The following NET1 variants were observed in gnomAD, a reference collection of about 807,000 sequenced individuals.
NET1 encodes neuroepithelial cell-transforming gene 1 protein.
A neutral mutation model predicts 61.1 loss-of-function variants in NET1; 42 were observed. The ratio of observed to expected loss-of-function variants is 0.69; its 90% CI spans 0.54 to 0.89. The LOEUF (loss-of-function observed/expected upper bound fraction) is 0.89. NET1 is among the 40% of genes least tolerant of loss of function. The probability of loss-of-function intolerance (pLI) is 0.00; values close to 1 mark genes in which losing one functional copy is unlikely to be tolerated. For synonymous variants in NET1, 254 were observed against 281.8 expected, an observed-to-expected ratio of 0.90 and a Z score of 0.99; for missense variants, 654 against 747.3, an observed-to-expected ratio of 0.88 and a Z score of 1.46.
Position 5,453,304 on chromosome 10 carries a change from C to T in NET1, c.649C>T (p.His217Tyr), listed in dbSNP as rs1252124237. The T allele has an allele frequency of 6.2e-7, 1 of 1,612,766 alleles. No homozygotes were observed. Among genetic ancestry groups the T allele is most frequent in the East Asian group, 2.2e-5 (1 of 44,886 alleles). ...CATCATGTCAGAAGAGGAACTCACA[C>T]ATATATTTGGTGATCTGGACTCTTA... Reference protein sequence around the residue: ...LSIMSEEELTHIFGDLDSYIP... With the variant: ...LSIMSEEELTYIFGDLDSYIP... Residue 217 changes from histidine to tyrosine, a missense_variant, in exon 7 of 12, where the codon CAT (histidine) becomes TAT (tyrosine). Coordinates refer to ENST00000355029, the MANE Select transcript of NET1 (RefSeq NM_001047160.3). The surrounding 1 kb of genome is among the most constrained non-coding windows in gnomAD (Gnocchi z 4.9).
rs1429210650 is a variant in NET1, at chr10:5,446,468, C to A, written c.256-5362C>A. Reference sequence around the variant, plus strand: ...ACTTGAACCCAGCTTCACTCTCCTCCTGGGCGAAAGCTGAGAGGCCTAGGT... The same window carrying A: ...ACTTGAACCCAGCTTCACTCTCCTCATGGGCGAAAGCTGAGAGGCCTAGGT... On this transcript the variant is annotated intron_variant, in intron 3 of 11. Transcript: ENST00000355029. This position sits in a 1 kb window ranked among gnomAD's most constrained non-coding sequence, Gnocchi z 5.0. 2 of 716,054 alleles carry A rather than the reference C, an allele frequency of 2.8e-6. No individual in the cohort carries two copies. Among genetic ancestry groups the A allele is most frequent in the Non-Finnish European group, 3.5e-6 (2 of 569,610 alleles). 44.4% of individuals were successfully genotyped at this position (716,054 alleles called of 1,614,324 possible).
chr10:5,455,310 G>GT lies in NET1; in HGVS notation c.1197+193dup. Among the ~76,000 whole-genome samples the GT allele has an allele frequency of 6.6e-6, 1 of 152,286 alleles. No homozygotes were observed. Among genetic ancestry groups the GT allele is most frequent in the Non-Finnish European group, 1.5e-5 (1 of 68,030 alleles). ...CCTTAAATGTCTCAGTGGAGAATCA[G>GT]TAATACTTTATTTTTTAGTTTCGAA... On this transcript the variant is annotated intron_variant, in intron 10 of 11. Transcript: ENST00000355029. The surrounding 1 kb of genome is among the most constrained non-coding windows in gnomAD (Gnocchi z 6.5).
At chr10:5,432,187 G>C (rs1832359756) in intron 3 of NET1, among the ~76,000 whole-genome samples, 1 of 152,140 alleles carries the variant, frequency 6.6e-6, no homozygotes. Context: ...TTGTTGATAG[G>C]ACTTTTTAAT....
chr10:5,454,349 A>C lies in NET1; in HGVS notation c.853A>C (p.Arg285=), dbSNP rs776894777. 6.2e-7 allele frequency: 1 copy of C among 1,614,222 alleles called. No individual in the cohort carries two copies. The highest frequency in any genetic ancestry group is 2.2e-5 in the East Asian group (1 of 44,868). Residue 285 remains arginine, a synonymous_variant, in exon 9 of 12, where the codon AGA becomes CGA. Transcript: ENST00000355029. The surrounding 1 kb of genome is among the most constrained non-coding windows in gnomAD (Gnocchi z 8.1). ...ALLDQKKQDP[R]VQDFLQRCLE... ...TCTTGATCAAAAGAAACAGGATCCA[A>C]GAGTCCAAGACTTCCTCCAGCGATG... is the stretch of plus-strand genomic sequence containing the variant.
Position 5,456,775 on chromosome 10 carries a change from G to C in NET1, c.1572G>C (p.Gly524=). ...GLPELHEECE[G]NHPSARKLTA... is the part of the protein sequence containing the mutation. ...CGGAGCTGCACGAAGAGTGTGAGGG[G>C]AACCACCCCTCTGCGAGGAAACTCA... Residue 524 remains glycine, a synonymous_variant, in exon 12 of 12, where the codon GGG becomes GGC. Coordinates refer to ENST00000355029, the MANE Select transcript of NET1 (RefSeq NM_001047160.3). This position sits in a 1 kb window ranked among gnomAD's most constrained non-coding sequence, Gnocchi z 7.0. 2 of 1,613,256 alleles carry C rather than the reference G, an allele frequency of 1.2e-6. No homozygotes were observed. The highest frequency in any genetic ancestry group is 1.7e-6 in the Non-Finnish European group (2 of 1,179,550).
In NET1 at chr10:5,453,606, G is replaced by A; in HGVS notation, c.768+46G>A. On this transcript the variant is annotated intron_variant, in intron 8 of 11. Transcript: ENST00000355029. The surrounding 1 kb of genome is among the most constrained non-coding windows in gnomAD (Gnocchi z 4.9). Reference sequence around the variant, plus strand: ...CCCAGATACAGTTTCTTACAGATGTGCCATGTTGCAGTTTCTGATGAATAT... The same window carrying A: ...CCCAGATACAGTTTCTTACAGATGTACCATGTTGCAGTTTCTGATGAATAT... 1 of 1,520,842 alleles carries A rather than the reference G, an allele frequency of 6.6e-7. No homozygotes were observed. The highest frequency in any genetic ancestry group is 9.1e-7 in the Non-Finnish European group (1 of 1,095,278). 94.2% of individuals were successfully genotyped at this position (1,520,842 alleles called of 1,614,324 possible). A position where few individuals can be genotyped will look rare whatever the true frequency, so the allele number is the denominator to read the frequency against.
At position 5,446,889 on chromosome 10, in the gene NET1, G is replaced by T; in HGVS notation, c.256-4941G>T. On this transcript the variant is annotated intron_variant, in intron 3 of 11. Coordinates refer to ENST00000355029, the MANE Select transcript of NET1 (RefSeq NM_001047160.3). The surrounding 1 kb of genome is among the most constrained non-coding windows in gnomAD (Gnocchi z 5.0). ...ACTTTAAGAGAAACGTTAGGCAAAA[G>T]GAATGTTTTCTAACTCCACGGAGCT... 1.3e-6 allele frequency: 2 copies of T among 1,568,924 alleles called. No homozygotes were observed.
chr10:5,433,583 A>G (rs1053689891), intron 3 of NET1, among the ~76,000 whole-genome samples: 9 of 152,168 alleles, frequency 5.9e-5, no homozygotes, highest in African/African-American at 2.2e-4. Context: ...GTTCATTTGG[A>G]CGGATATGAA....
rs1286396356 is a variant in NET1, at chr10:5,437,298, G to T, written c.255+8069G>T. ...ATGATTATCCTGTATATATGCTATA[G>T]CTTGCTTTTTTTAATTTATGTTTTA... On this transcript the variant is annotated intron_variant, in intron 3 of 11. Transcript: ENST00000355029. This position sits in a 1 kb window ranked among gnomAD's most constrained non-coding sequence, Gnocchi z 4.3. Among the ~76,000 whole-genome samples the T allele has an allele frequency of 1.3e-5, 2 of 151,990 alleles. No individual in the cohort carries two copies. Among genetic ancestry groups the T allele is most frequent in the East Asian group, 3.9e-4 (2 of 5,190 alleles).
intron 2 of NET1, among the ~76,000 whole-genome samples, chr10:5,428,022 C>G (rs1216699397): frequency 6.9e-6 from 1 of 145,552 alleles, no homozygotes; most frequent in Admixed American, 6.9e-5. Flanking sequence ...CCACTTCTAT[C>G]TGGACTTTGC....
Position 5,451,905 on chromosome 10 carries a change from G to A in NET1, c.331G>A (p.Gly111Arg). 1.9e-6 allele frequency: 3 copies of A among 1,613,902 alleles called. No individual in the cohort carries two copies. The highest frequency in any genetic ancestry group is 2.5e-6 in the Non-Finnish European group (3 of 1,179,890). The change falls in exon 4 of 12, where the codon GGA (glycine) becomes AGA (arginine). Residue 111 changes from glycine (G) to arginine (R), a missense_variant. Gly to Arg is a moderately radical substitution (Grantham distance 125, BLOSUM62 -2). Coordinates refer to ENST00000355029, the MANE Select transcript of NET1 (RefSeq NM_001047160.3). This position sits in a 1 kb window ranked among gnomAD's most constrained non-coding sequence, Gnocchi z 6.1. ...LANLISPVRNGAVRRFGQTIQ... is the reference protein window; with the variant it reads ...LANLISPVRNRAVRRFGQTIQ... ...AAATTTAATCTCTCCTGTAAGAAATGGAGCTGTCAGACGTTTTGGTCAAAC... is the reference window on the plus strand; with the variant it reads ...AAATTTAATCTCTCCTGTAAGAAATAGAGCTGTCAGACGTTTTGGTCAAAC...
intron 3 of NET1, among the ~76,000 whole-genome samples, chr10:5,433,686 A>T (rs932297744): frequency 6.6e-6 from 1 of 152,130 alleles, no homozygotes; most frequent in Non-Finnish European, 1.5e-5. Context: ...GTCATAATAA[A>T]TGTGTAGTTT....
rs1289589840 is a variant in NET1 at position 5,440,393 on chromosome 10, A to G, written c.255+11164A>G. 6.6e-6 allele frequency among the ~76,000 whole-genome samples: 1 copy of G among 152,236 alleles called. No individual in the cohort carries two copies. Among genetic ancestry groups the G allele is most frequent in the Non-Finnish European group, 1.5e-5 (1 of 68,048 alleles). On this transcript the variant is annotated intron_variant, in intron 3 of 11. Transcript: ENST00000355029. The surrounding 1 kb of genome is among the most constrained non-coding windows in gnomAD (Gnocchi z 4.1). ...GCTAGATGATTTGTTGGTCTGCTCC[A>G]GTAGACTCTACATCTTGCACAACAG...
chr10:5,458,800 A>T lies in NET1; in HGVS notation c.*1806A>T, dbSNP rs1365093850. Among the ~76,000 whole-genome samples the T allele has an allele frequency of 6.6e-6, 1 of 152,244 alleles. No homozygotes were observed. Among genetic ancestry groups the T allele is most frequent in the Non-Finnish European group, 1.5e-5 (1 of 68,044 alleles). ...CTTGTCTTTGGAAATTCACATTCAT[A>T]AGTGTATATTACACCAATGATTGTG... On this transcript the variant is annotated 3_prime_UTR_variant, in exon 12 of 12. Coordinates refer to ENST00000355029, the MANE Select transcript of NET1 (RefSeq NM_001047160.3). This position sits in a 1 kb window ranked among gnomAD's most constrained non-coding sequence, Gnocchi z 4.5.
Position 5,435,224 on chromosome 10 carries a change from G to A in NET1, c.255+5995G>A, listed in dbSNP as rs1832408955. Among the ~76,000 whole-genome samples the A allele has an allele frequency of 6.6e-6, 1 of 152,150 alleles. No individual in the cohort carries two copies. Among genetic ancestry groups the A allele is most frequent in the South Asian group, 2.1e-4 (1 of 4,834 alleles). On this transcript the variant is annotated intron_variant, in intron 3 of 11. Coordinates refer to ENST00000355029, the MANE Select transcript of NET1 (RefSeq NM_001047160.3). The surrounding 1 kb of genome is among the most constrained non-coding windows in gnomAD (Gnocchi z 5.0). ...GGAATAGGGGAGGAAATGAGGATAA[G>A]TGACATTGGGACCTAGGAACATTTG...
At position 5,451,323 on chromosome 10, in the gene NET1, C is replaced by G. The variant is rs1020431000; in HGVS notation, c.256-507C>G. Among the ~76,000 whole-genome samples, 1 of 151,984 alleles carries G rather than the reference C, an allele frequency of 6.6e-6. No individual in the cohort carries two copies. The highest frequency in any genetic ancestry group is 2.4e-5 in the African/African-American group (1 of 41,388). On this transcript the variant is annotated intron_variant, in intron 3 of 11. Coordinates refer to ENST00000355029, the MANE Select transcript of NET1 (RefSeq NM_001047160.3). The surrounding 1 kb of genome is among the most constrained non-coding windows in gnomAD (Gnocchi z 6.1). The stretch of plus-strand genomic sequence containing the variant: ...TTGATTGAAAGGTTGTATTTTCTAA[C>G]GGAAGTAGTTAAGAATGAAATGATA...
At chr10:5,432,181 T>C (rs1172385330) in intron 3 of NET1, among the ~76,000 whole-genome samples, 1 of 152,246 alleles carries the variant, frequency 6.6e-6, no homozygotes, top group African/African-American at 2.4e-5. Flanking sequence ...TGGTCATTGT[T>C]GATAGGACTT....
chr10:5,418,482 A>G (rs973231434), intron 1 of NET1, among the ~76,000 whole-genome samples: 4 of 151,982 alleles, frequency 2.6e-5, no homozygotes, highest in Non-Finnish European at 5.9e-5. Flanking sequence ...TGTAATGTCA[A>G]TAGTAATGTC....
rs1832453946 is a variant in NET1, at chr10:5,437,379, T to C, written c.255+8150T>C. Among the ~76,000 whole-genome samples, 1 of 152,204 alleles carries C rather than the reference T, an allele frequency of 6.6e-6. No homozygotes were observed. The highest frequency in any genetic ancestry group is 1.5e-5 in the Non-Finnish European group (1 of 68,010). Reference sequence around the variant, plus strand: ...TTCTTGGTTGCTGTATTGTATTCCATAGTGTGTTAAAGTACCATAATCTAT... The same window carrying C: ...TTCTTGGTTGCTGTATTGTATTCCACAGTGTGTTAAAGTACCATAATCTAT... On this transcript the variant is annotated intron_variant, in intron 3 of 11. Transcript: ENST00000355029. This position sits in a 1 kb window ranked among gnomAD's most constrained non-coding sequence, Gnocchi z 4.3.
Sources: gnomAD v4.1 joint callset for allele counts (sites outside exome capture counted in the v4.1 genomes callset) on GRCh38, gnomAD v4.1.1 for gene constraint, Gnocchi (gnomAD v3.1) non-coding constraint, MANE v1.5 for transcripts, NCBI Gene and HGNC (gene_info 2026-07-23, HGNC 2026-07-21) for gene names.